PAWR: variants seen among roughly 807,000 people sequenced by gnomAD.
The protein encoded by PAWR is PRKC apoptosis WT1 regulator protein.
A neutral mutation model predicts 32.0 loss-of-function variants in PAWR; 23 were observed. The observed-to-expected ratio is 0.72, with a 90% confidence interval of 0.52 to 1.02. The LOEUF (loss-of-function observed/expected upper bound fraction) is 1.02. Ranked by LOEUF, PAWR falls within the 50% of genes least tolerant of loss-of-function variation. The pLI, the probability that PAWR is intolerant of heterozygous loss-of-function variation, is 0.00. For synonymous variants in PAWR, 226 were observed against 187.1 expected (o/e 1.21, Z -1.70); for missense variants, 457 against 437.7 (o/e 1.04, Z -0.39).
chr12:79,609,621 C>A (rs1874347492), intron 4 of PAWR, among the ~76,000 whole-genome samples: 1 of 152,074 alleles, frequency 6.6e-6, no homozygotes, highest in African/African-American at 2.4e-5. Context: ...AATGGCTTGA[C>A]AATGCTGCAC....
chr12:79,641,243 A>C (rs1299840241), intron 2 of PAWR, among the ~76,000 whole-genome samples: 2 of 152,244 alleles, frequency 1.3e-5, no homozygotes, highest in Admixed American at 1.3e-4. Flanking sequence ...CATAGCACCT[A>C]CGTGACAGCC....
chr12:79,611,306 A>G (rs2136696223), intron 4 of PAWR, among the ~76,000 whole-genome samples: 1 of 147,570 alleles, frequency 6.8e-6, no homozygotes, highest in African/African-American at 2.5e-5. Flanking sequence ...ATTTCTTGGA[A>G]GTTATTTGGT....
At chr12:79,599,002 A>G (rs1362607799) in intron 4 of PAWR, among the ~76,000 whole-genome samples, 1 of 152,180 alleles carries the variant, frequency 6.6e-6, no homozygotes, top group East Asian at 1.9e-4. Flanking sequence ...CCCAAAGTGC[A>G]GGGATTACAG....
intron 2 of PAWR, among the ~76,000 whole-genome samples, chr12:79,666,833 TAAAC>T (rs1433790447): frequency 2.0e-5 from 3 of 152,190 alleles, no homozygotes; most frequent in Admixed American, 1.3e-4. Flanking sequence ...TATTTACACA[TAAAC>T]AAAAACCCTT....
intron 4 of PAWR, among the ~76,000 whole-genome samples, chr12:79,602,736 T>C (rs932147017): frequency 1.3e-5 from 2 of 152,022 alleles, no homozygotes; most frequent in Admixed American, 6.6e-5. Flanking sequence ...TATACAGGTA[T>C]GGAGCTACAG....
chr12:79,622,679 G>A (rs1875082608), intron 2 of PAWR, among the ~76,000 whole-genome samples: 1 of 152,176 alleles, frequency 6.6e-6, no homozygotes, highest in African/African-American at 2.4e-5. Context: ...CAAATGAAAG[G>A]AGCATGCAGG....
At chr12:79,656,867 G>A (rs1877116790) in intron 2 of PAWR, among the ~76,000 whole-genome samples, 1 of 152,180 alleles carries the variant, frequency 6.6e-6, no homozygotes, top group Non-Finnish European at 1.5e-5. Context: ...AATTACTGCA[G>A]CTTAGTGAGG....
intron 3 of PAWR, among the ~76,000 whole-genome samples, chr12:79,618,254 G>C (rs1366292826): frequency 6.6e-6 from 1 of 151,960 alleles, no homozygotes; most frequent in African/African-American, 2.4e-5. Context: ...TCAGCCTCCT[G>C]AGTAGCTGGG....
At chr12:79,671,974 T>C (rs1040692279) in intron 2 of PAWR, among the ~76,000 whole-genome samples, 1 of 152,202 alleles carries the variant, frequency 6.6e-6, no homozygotes, top group African/African-American at 2.4e-5. Flanking sequence ...GTGAAAAGTA[T>C]TGTTAGTTAA....
intron 3 of PAWR, among the ~76,000 whole-genome samples, chr12:79,619,540 T>A (rs1001518750): frequency 6.6e-6 from 1 of 152,208 alleles, no homozygotes; most frequent in Non-Finnish European, 1.5e-5. Context: ...ATAGTATATA[T>A]AGCGTTCAGT....
intron 4 of PAWR, among the ~76,000 whole-genome samples, chr12:79,598,958 A>G (rs1873863303): frequency 1.3e-5 from 2 of 152,176 alleles, no homozygotes; most frequent in Non-Finnish European, 2.9e-5. Flanking sequence ...GCTGGCCTTG[A>G]GCTCCTGACC....
intron 2 of PAWR, among the ~76,000 whole-genome samples, chr12:79,655,827 G>A (rs1480657257): frequency 6.6e-6 from 1 of 152,170 alleles, no homozygotes; most frequent in Non-Finnish European, 1.5e-5. Context: ...AACTGTTTTA[G>A]ACAAAGTCAA....
intron 4 of PAWR, among the ~76,000 whole-genome samples, chr12:79,609,791 C>T (rs1368508312): frequency 2.6e-5 from 4 of 152,208 alleles, no homozygotes; most frequent in African/African-American, 9.6e-5. Context: ...TGACCCTCTG[C>T]TCTCACTAGC....
intron 2 of PAWR, among the ~76,000 whole-genome samples, chr12:79,666,724 T>C (rs1365687016): frequency 6.6e-6 from 1 of 152,252 alleles, no homozygotes; most frequent in African/African-American, 2.4e-5. Context: ...ATGTTATTTA[T>C]ATAAACATGC....
At chr12:79,621,306 A>G (rs1333110156) in intron 2 of PAWR, 99 bp from the exon 3 acceptor site, 1 of 879,694 alleles carries the variant, frequency 1.1e-6, no homozygotes, top group Non-Finnish European at 1.7e-6. Context: ...ATATTTGTGC[A>G]TTCAGAAATT....
chr12:79,594,782 C>T (rs891648353), intron 5 of PAWR, among the ~76,000 whole-genome samples: 2 of 151,992 alleles, frequency 1.3e-5, no homozygotes, highest in Non-Finnish European at 2.9e-5. Context: ...TGCAATGGCA[C>T]CTTGGCTCAC....
intron 4 of PAWR, among the ~76,000 whole-genome samples, chr12:79,599,129 C>T (rs1873870124): frequency 6.6e-6 from 1 of 152,162 alleles, no homozygotes; most frequent in Non-Finnish European, 1.5e-5. Context: ...ATTTGAAAAG[C>T]TGGGGACCAA....
At chr12:79,599,630 C>G (rs181488666) in intron 4 of PAWR, among the ~76,000 whole-genome samples, 1 of 152,316 alleles carries the variant, frequency 6.6e-6, no homozygotes, top group East Asian at 1.9e-4. Context: ...CCTATGTTAG[C>G]AAAACCAATG....
intron 2 of PAWR, among the ~76,000 whole-genome samples, chr12:79,643,623 T>C (rs1369761750): frequency 6.6e-6 from 1 of 152,098 alleles, no homozygotes; most frequent in East Asian, 1.9e-4. Flanking sequence ...AAAGCCTTCA[T>C]AAAACACAGC....
Sources: gnomAD v4.1 joint callset for allele counts (sites outside exome capture counted in the v4.1 genomes callset) on GRCh38, gnomAD v4.1.1 for gene constraint, MANE v1.5 for transcripts, NCBI Gene and HGNC (gene_info 2026-07-23, HGNC 2026-07-21) for gene names.